Variants in DUSP6 observed in about 807,000 individuals in gnomAD.
DUSP6 encodes the protein dual specificity protein phosphatase 6.
DUSP6 carries 6 observed loss-of-function variants against 28.0 expected under a neutral mutation model. That is an observed-to-expected ratio of 0.21 (90% CI 0.12 to 0.42). DUSP6 has a LOEUF of 0.42. Among genes scored for constraint, DUSP6 ranks in the 10% least tolerant of loss-of-function variants. The probability of loss-of-function intolerance (pLI) is 1.00; values close to 1 mark genes in which losing one functional copy is unlikely to be tolerated. For missense variants in DUSP6, 451 were observed against 498.1 expected (o/e 0.91, Z 0.90); for synonymous variants, 252 against 217.5 (o/e 1.16, Z -1.40).
Position 89,350,820 on chromosome 12 carries a change from G to C in DUSP6, c.606C>G (p.Ser202Arg). ...TDSDGSPLSNSQPSFPVEILP... is the reference protein window; with the variant it reads ...TDSDGSPLSNRQPSFPVEILP... ...AGATCTCCACTGGGAAGGAAGGCTGGCTGTTGGACAGCGGACTACCATCCG... is the reference window on the plus strand; with the variant it reads ...AGATCTCCACTGGGAAGGAAGGCTGCCTGTTGGACAGCGGACTACCATCCG... The change falls in exon 2 of 3, where the codon AGC becomes AGG. Residue 202 changes from serine (S) to arginine (R), a missense_variant. Physicochemically the swap from Ser to Arg is moderately radical, Grantham distance 110 (BLOSUM62 -1). Coordinates refer to ENST00000279488, the MANE Select transcript of DUSP6 (RefSeq NM_001946.4). The C allele has an allele frequency of 6.2e-7, 1 of 1,614,126 alleles. No homozygotes were observed. Among genetic ancestry groups the C allele is most frequent in the Non-Finnish European group, 8.5e-7 (1 of 1,180,024 alleles).
Position 89,347,588 on chromosome 12 carries a change from T to C in DUSP6, c.*1666A>G, listed in dbSNP as rs923923915. 2.0e-5 allele frequency: 3 copies of C among 152,222 alleles called. No homozygotes were observed. Among genetic ancestry groups the C allele is most frequent in the African/African-American group, 4.8e-5 (2 of 41,460 alleles). The allele number at this position is 152,222 out of a possible 1,614,324, so 9.4% of individuals were successfully genotyped here. On this transcript the variant is annotated 3_prime_UTR_variant, in exon 3 of 3. Transcript: ENST00000279488. ...ATTCTCACACTAGGATATCTGCAGG[T>C]AGAATTGCCCATGACAACAGACTGG...
intron 1 of DUSP6, chr12:89,351,260 C>A (rs1184800596): frequency 6.5e-6 from 4 of 618,300 alleles, no homozygotes; most frequent in African/African-American, 1.8e-5. Context: ...AAAATGGCAA[C>A]TTTTTGGAAT....
At chr12:89,349,626 T>C in intron 2 of DUSP6, 65 bp from the exon 3 acceptor site, 1 of 1,289,246 alleles carries the variant, frequency 7.8e-7, no homozygotes, top group East Asian at 2.3e-5. Context: ...GAATGATCAG[T>C]CTAAAAACTG....
rs1396635616 is a variant in DUSP6 at position 89,348,946 on chromosome 12, C to G, written c.*308G>C. ...TAAAGAACACATGCTCCTACCCTAT[C>G]ATTTGGTTCTACCCTATGCGCCTGG... On this transcript the variant is annotated 3_prime_UTR_variant, in exon 3 of 3. Coordinates refer to ENST00000279488, the MANE Select transcript of DUSP6 (RefSeq NM_001946.4). 3 of 278,338 alleles carry G rather than the reference C, an allele frequency of 1.1e-5. No individual in the cohort carries two copies. The East Asian group carries it at 2.0e-4, about 18-fold the overall frequency. 17.2% of individuals were successfully genotyped at this position (278,338 alleles called of 1,614,324 possible). A position where few individuals can be genotyped will look rare whatever the true frequency, so the allele number is the denominator to read the frequency against.
Position 89,350,668 on chromosome 12 carries a change from A to C in DUSP6, c.758T>G (p.Phe253Cys). 2 of 1,614,132 alleles carry C rather than the reference A, an allele frequency of 1.2e-6. No homozygotes were observed. The highest frequency in any genetic ancestry group is 2.2e-5 in the South Asian group (2 of 91,080). ...LPNLFENAGE[F>C]KYKQIPISDH... The stretch of plus-strand genomic sequence containing the variant: ...CGAGATGGGGATTTGCTTGTATTTA[A>C]ACTCTCCTGCGTTCTCAAAGAGATT... Residue 253 changes from phenylalanine (F) to cysteine (C), a missense_variant, in exon 2 of 3, where the codon TTT (phenylalanine) becomes TGT (cysteine). Phe to Cys is a radical substitution (Grantham distance 205). This residue lies in a region of DUSP6 where 347 missense variants were observed against 346.6 expected (regional missense o/e 1.00). Coordinates refer to ENST00000279488, the MANE Select transcript of DUSP6 (RefSeq NM_001946.4).
In DUSP6 at chr12:89,348,951, G is replaced by T; in HGVS notation, c.*303C>A. 6.9e-6 allele frequency: 2 copies of T among 287,826 alleles called. No homozygotes were observed. Among genetic ancestry groups the T allele is most frequent in the Admixed American group, 4.6e-5 (1 of 21,978 alleles). 17.8% of individuals were successfully genotyped at this position (287,826 alleles called of 1,614,324 possible). ...AACACATGCTCCTACCCTATCATTT[G>T]GTTCTACCCTATGCGCCTGGAAGTC... On this transcript the variant is annotated 3_prime_UTR_variant, in exon 3 of 3. Coordinates refer to ENST00000279488, the MANE Select transcript of DUSP6 (RefSeq NM_001946.4).
In DUSP6 at chr12:89,349,221, G is replaced by A. The variant is rs894995477; in HGVS notation, c.*33C>T. On this transcript the variant is annotated 3_prime_UTR_variant, in exon 3 of 3. Coordinates refer to ENST00000279488, the MANE Select transcript of DUSP6 (RefSeq NM_001946.4). ...GCCAAGAGAAACTGCTGAAGGGCCA[G>A]ACACATTCCAGCAAGGAGGGGTGTG... is the stretch of plus-strand genomic sequence containing the variant. 6.3e-7 allele frequency: 1 copy of A among 1,581,722 alleles called. No homozygotes were observed. The highest frequency in any genetic ancestry group is 1.3e-5 in the African/African-American group (1 of 74,314).
rs922851269 is a variant in DUSP6 at position 89,352,111 on chromosome 12, C to T, written c.-72G>A. On this transcript the variant is annotated 5_prime_UTR_variant, in exon 1 of 3. Transcript: ENST00000279488. ...CGGGGCAGGCATAGGCCGAGCGCAC[C>T]GCGCGCGAAGCTGCCGCTCTCGGAG... 5.2e-6 allele frequency: 8 copies of T among 1,532,440 alleles called. No homozygotes were observed. The highest frequency in any genetic ancestry group is 1.2e-5 in the South Asian group (1 of 80,218). The allele number at this position is 1,532,440 out of a possible 1,614,324, so 94.9% of individuals were successfully genotyped here.
chr12:89,351,035 C>G lies in DUSP6; in HGVS notation c.401-10G>C, dbSNP rs373643334. 4.5e-6 allele frequency: 7 copies of G among 1,570,274 alleles called. No individual in the cohort carries two copies. Among genetic ancestry groups the G allele is most frequent in the Admixed American group, 1.9e-5 (1 of 53,784 alleles). On this transcript the variant is annotated splice_polypyrimidine_tract_variant and intron_variant, in intron 1 of 2. Coordinates refer to ENST00000279488, the MANE Select transcript of DUSP6 (RefSeq NM_001946.4). ...AACTTACTGAAGCCACCTGCCAGAA[C>G]GAGAAAAGCAATCATCTAACCTGAG...
chr12:89,352,108 C>A lies in DUSP6; in HGVS notation c.-69G>T. 1 of 1,535,628 alleles carries A rather than the reference C, an allele frequency of 6.5e-7. No individual in the cohort carries two copies. The highest frequency in any genetic ancestry group is 8.8e-7 in the Non-Finnish European group (1 of 1,141,082). ...CCTCGGGGCAGGCATAGGCCGAGCG[C>A]ACCGCGCGCGAAGCTGCCGCTCTCG... is the stretch of plus-strand genomic sequence containing the variant. On this transcript the variant is annotated 5_prime_UTR_variant, in exon 1 of 3. Coordinates refer to ENST00000279488, the MANE Select transcript of DUSP6 (RefSeq NM_001946.4).
rs1002891404 is a variant in DUSP6, at chr12:89,347,975, A to G, written c.*1279T>C. Reference sequence around the variant, plus strand: ...AAAAGAACCTTGCCCTACTATGCCTACAAGTCAAAATCAATCCCTGAATGA... The same window carrying G: ...AAAAGAACCTTGCCCTACTATGCCTGCAAGTCAAAATCAATCCCTGAATGA... On this transcript the variant is annotated 3_prime_UTR_variant, in exon 3 of 3. Transcript: ENST00000279488. 1.3e-5 allele frequency: 2 copies of G among 152,604 alleles called. No individual in the cohort carries two copies. Among genetic ancestry groups the G allele is most frequent in the East Asian group, 3.9e-4 (2 of 5,194 alleles). 9.5% of individuals were successfully genotyped at this position (152,604 alleles called of 1,614,324 possible). A position where few individuals can be genotyped will look rare whatever the true frequency, so the allele number is the denominator to read the frequency against.
chr12:89,349,244 G>A lies in DUSP6; in HGVS notation c.*10C>T. On this transcript the variant is annotated 3_prime_UTR_variant, in exon 3 of 3. Coordinates refer to ENST00000279488, the MANE Select transcript of DUSP6 (RefSeq NM_001946.4). Reference sequence around the variant, plus strand: ...CAGACACATTCCAGCAAGGAGGGGTGTGGGGTCTTTCACGTAGATTGCAGA... The same window carrying A: ...CAGACACATTCCAGCAAGGAGGGGTATGGGGTCTTTCACGTAGATTGCAGA... The A allele has an allele frequency of 3.1e-6, 5 of 1,601,852 alleles. No homozygotes were observed. Among genetic ancestry groups the A allele is most frequent in the Non-Finnish European group, 4.3e-6 (5 of 1,170,882 alleles).
Position 89,347,823 on chromosome 12 carries a change from G to C in DUSP6, c.*1431C>G, listed in dbSNP as rs1006984033. 6.6e-6 allele frequency: 1 copy of C among 152,144 alleles called. No homozygotes were observed. Among genetic ancestry groups the C allele is most frequent in the Admixed American group, 6.5e-5 (1 of 15,274 alleles). The allele number at this position is 152,144 out of a possible 1,614,324, so 9.4% of individuals were successfully genotyped here. On this transcript the variant is annotated 3_prime_UTR_variant, in exon 3 of 3. Coordinates refer to ENST00000279488, the MANE Select transcript of DUSP6 (RefSeq NM_001946.4). Reference sequence around the variant, plus strand: ...TCAGGGGCTTTAAAATCTTAAGCCGGAACTATACTCATAAGAGGTATTGTT... The same window carrying C: ...TCAGGGGCTTTAAAATCTTAAGCCGCAACTATACTCATAAGAGGTATTGTT...
intron 1 of DUSP6, 107 bp downstream of exon 1, chr12:89,351,533 T>C (rs1879187838): frequency 1.4e-6 from 2 of 1,430,976 alleles, no homozygotes; most frequent in African/African-American, 1.4e-5. Context: ...GCAGCGCGGC[T>C]CCGAAGCTCC....
rs1879013268 is a variant in DUSP6, at chr12:89,347,333, C to T, written c.*1921G>A. ...CAAGAAAAATGGCAAGATATAAAGTCTTTAGCTTGAAAAGAAACTAAAATA... is the reference window on the plus strand; with the variant it reads ...CAAGAAAAATGGCAAGATATAAAGTTTTTAGCTTGAAAAGAAACTAAAATA... On this transcript the variant is annotated 3_prime_UTR_variant, in exon 3 of 3. Transcript: ENST00000279488. 1 of 152,118 alleles carries T rather than the reference C, an allele frequency of 6.6e-6. No homozygotes were observed. The highest frequency in any genetic ancestry group is 1.5e-5 in the Non-Finnish European group (1 of 68,024). 9.4% of individuals were successfully genotyped at this position (152,118 alleles called of 1,614,324 possible).
Position 89,351,646 on chromosome 12 carries a change from G to C in DUSP6, c.394C>G (p.Leu132Val). 6.2e-7 allele frequency: 1 copy of C among 1,601,778 alleles called. No homozygotes were observed. The highest frequency in any genetic ancestry group is 2.3e-5 in the East Asian group (1 of 44,260). The change falls in exon 1 of 3, where the codon CTG (leucine) becomes GTG (valine). Residue 132 changes from leucine to valine, a missense_variant. Around this residue, in one of 2 missense-constraint regions of DUSP6, gnomAD observed 347 missense variants for 346.6 expected, o/e 1.00. Coordinates refer to ENST00000279488, the MANE Select transcript of DUSP6 (RefSeq NM_001946.4). ...GAGTTCCCTGGGCGCGTACCTTCCA[G>C]GTAGAACGCCCGGCAGCCCTCGTCC... ...LKDEGCRAFY[L>V]EGGFSKFQAE...
Position 89,352,299 on chromosome 12 carries a change from C to A in DUSP6, c.-260G>T. On this transcript the variant is annotated 5_prime_UTR_variant, in exon 1 of 3. Transcript: ENST00000279488. Reference sequence around the variant, plus strand: ...GCTGCCCAGATAGTTTTTGTTCCTCCCCAGTGAATGAAATCCAATTAATTC... The same window carrying A: ...GCTGCCCAGATAGTTTTTGTTCCTCACCAGTGAATGAAATCCAATTAATTC... 1.9e-6 allele frequency: 1 copy of A among 530,490 alleles called. No individual in the cohort carries two copies. The allele number at this position is 530,490 out of a possible 1,614,324, so 32.9% of individuals were successfully genotyped here.
intron 1 of DUSP6, 195 bp downstream of exon 1, chr12:89,351,445 T>C (rs933722600): frequency 5.2e-6 from 5 of 958,036 alleles, no homozygotes; most frequent in African/African-American, 1.7e-5. Context: ...AGCGAGTGGA[T>C]TCTGAGCCGG....
At position 89,352,304 on chromosome 12, in the gene DUSP6, T is replaced by G. The variant is rs1176535533; in HGVS notation, c.-265A>C. 7.7e-6 allele frequency: 4 copies of G among 517,440 alleles called. No individual in the cohort carries two copies. The highest frequency in any genetic ancestry group is 1.9e-5 in the African/African-American group (1 of 52,588). 32.1% of individuals were successfully genotyped at this position (517,440 alleles called of 1,614,324 possible). A position where few individuals can be genotyped will look rare whatever the true frequency, so the allele number is the denominator to read the frequency against. On this transcript the variant is annotated 5_prime_UTR_variant, in exon 1 of 3. Coordinates refer to ENST00000279488, the MANE Select transcript of DUSP6 (RefSeq NM_001946.4). Reference sequence around the variant, plus strand: ...CCAGATAGTTTTTGTTCCTCCCCAGTGAATGAAATCCAATTAATTCGGACT... The same window carrying G: ...CCAGATAGTTTTTGTTCCTCCCCAGGGAATGAAATCCAATTAATTCGGACT...
Sources: gnomAD v4.1 joint callset for allele counts on GRCh38, gnomAD v4.1.1 for gene constraint, gnomAD v4.1.1 regional missense constraint, MANE v1.5 for transcripts, NCBI Gene and HGNC (gene_info 2026-07-23, HGNC 2026-07-21) for gene names.